CNIH3: variants seen among roughly 807,000 people sequenced by gnomAD.
CNIH3 encodes protein cornichon homolog 3.
A neutral mutation model predicts 24.1 loss-of-function variants in CNIH3; 14 were observed. That is an observed-to-expected ratio of 0.58 (90% CI 0.38 to 0.91). The LOEUF (loss-of-function observed/expected upper bound fraction) is 0.91. Among genes scored for constraint, CNIH3 ranks in the 40% least tolerant of loss-of-function variants. CNIH3 has a pLI of 0.00. For synonymous variants in CNIH3, 68 were observed against 73.8 expected (o/e 0.92, Z 0.40); for missense variants, 178 against 196.8 (o/e 0.90, Z 0.57).
At chr1:224,729,647 A>G (rs1230432516) in intron 3 of CNIH3, among the ~76,000 whole-genome samples, 1 of 151,930 alleles carries the variant, frequency 6.6e-6, no homozygotes, top group Admixed American at 6.6e-5. Flanking sequence ...CTAGGTGCCA[A>G]ATTTCTTCCT....
chr1:224,733,010 C>T (rs1464361200), intron 4 of CNIH3, among the ~76,000 whole-genome samples: 1 of 152,026 alleles, frequency 6.6e-6, no homozygotes, highest in Non-Finnish European at 1.5e-5. Flanking sequence ...CACCCTTTAT[C>T]CCCCTTTTTA....
At chr1:224,485,524 A>G (rs905579777) in intron 1 of CNIH3, among the ~76,000 whole-genome samples, 2 of 151,514 alleles carry the variant, frequency 1.3e-5, no homozygotes, top group African/African-American at 4.9e-5. Flanking sequence ...ACAGGGTCTG[A>G]TTCTGTCACC....
chr1:224,537,958 T>A (rs1679354050), downstream of CNIH3, among the ~76,000 whole-genome samples: 1 of 144,478 alleles, frequency 6.9e-6, no homozygotes, highest in African/African-American at 2.7e-5. Context: ...ATTATTATTA[T>A]TTTTTTTTTT....
chr1:224,461,913 G>A (rs1675926554), intron 1 of CNIH3, among the ~76,000 whole-genome samples: 1 of 152,022 alleles, frequency 6.6e-6, no homozygotes, highest in Non-Finnish European at 1.5e-5. Flanking sequence ...AGTTTTTTGT[G>A]ACTGGCTTCT....
rs1689764934 is a variant in CNIH3 at position 224,739,442 on chromosome 1, A to C, written c.*86A>C. ...ATTTCTGCTGGTGACTGGAGGAGGGACCAGAATGAGGATACGTGAGAAATA... is the reference window on the plus strand; with the variant it reads ...ATTTCTGCTGGTGACTGGAGGAGGGCCCAGAATGAGGATACGTGAGAAATA... On this transcript the variant is annotated 3_prime_UTR_variant, in exon 6 of 6. Coordinates refer to ENST00000272133, the MANE Select transcript of CNIH3 (RefSeq NM_152495.2). 2 of 1,576,638 alleles carry C rather than the reference A, an allele frequency of 1.3e-6. No homozygotes were observed. The highest frequency in any genetic ancestry group is 1.2e-5 in the South Asian group (1 of 84,440).
At chr1:224,732,553 C>T (rs951936515) in intron 4 of CNIH3, among the ~76,000 whole-genome samples, 35 of 152,212 alleles carry the variant, frequency 2.3e-4, no homozygotes, top group Admixed American at 1.3e-4. Flanking sequence ...TTGCTCAGCT[C>T]GGACGTGGCA....
chr1:224,582,028 A>C (rs910470398), intron 4 of CNIH3, among the ~76,000 whole-genome samples: 1 of 152,214 alleles, frequency 6.6e-6, no homozygotes, highest in African/African-American at 2.4e-5. Flanking sequence ...TGCACAAAAT[A>C]GGGAAAGAAT....
intron 3 of CNIH3, among the ~76,000 whole-genome samples, chr1:224,707,993 T>C (rs1687916117): frequency 6.6e-6 from 1 of 152,200 alleles, no homozygotes; most frequent in Admixed American, 6.5e-5. Context: ...AGGGTCCTCC[T>C]GCCATGCAAC....
chr1:224,503,915 G>A (rs1201818043), intron 1 of CNIH3, among the ~76,000 whole-genome samples: 1 of 152,258 alleles, frequency 6.6e-6, no homozygotes, highest in Non-Finnish European at 1.5e-5. Flanking sequence ...GGGGTGCCGG[G>A]ACAGAGACGC....
At chr1:224,546,356 T>A (rs1459535305) in intron 2 of CNIH3, among the ~76,000 whole-genome samples, 5 of 152,202 alleles carry the variant, frequency 3.3e-5, no homozygotes, top group African/African-American at 1.2e-4. Context: ...CACAGTAAGA[T>A]GCTGCACTTC....
intron 5 of CNIH3, among the ~76,000 whole-genome samples, chr1:224,584,686 T>A (rs1411093252): frequency 6.6e-6 from 1 of 152,154 alleles, no homozygotes; most frequent in Non-Finnish European, 1.5e-5. Flanking sequence ...CATTTTGATT[T>A]GCATTGACCA....
chr1:224,676,064 A>G (rs183216722), intron 1 of CNIH3, among the ~76,000 whole-genome samples: 1 of 151,826 alleles, frequency 6.6e-6, no homozygotes, highest in Admixed American at 6.5e-5. Flanking sequence ...AGCTTTATTC[A>G]TAATTGTCAA....
At chr1:224,610,291 T>C (rs1405311041) in intron 3 of CNIH3, among the ~76,000 whole-genome samples, 6 of 152,264 alleles carry the variant, frequency 3.9e-5, no homozygotes, top group Non-Finnish European at 7.3e-5. Context: ...TGATATGGTT[T>C]GGTTCTGTGT....
chr1:224,564,807 C>T (rs1680514830), intron 3 of CNIH3, among the ~76,000 whole-genome samples: 1 of 152,224 alleles, frequency 6.6e-6, no homozygotes, highest in Non-Finnish European at 1.5e-5. Context: ...ATGGCTTTGT[C>T]TGCCAGAAAG....
intron 1 of CNIH3, chr1:224,435,846 T>C (rs1200707399): frequency 1.3e-5 from 2 of 152,224 alleles, no homozygotes; most frequent in Admixed American, 1.3e-4. Flanking sequence ...TCAATATGTA[T>C]AAAGATTTTC....
chr1:224,632,053 C>T (rs962950948), intron 1 of CNIH3, among the ~76,000 whole-genome samples: 5 of 152,244 alleles, frequency 3.3e-5, no homozygotes, highest in Admixed American at 2.0e-4. Flanking sequence ...AGTAGATCCC[C>T]GGCATGCAAA....
At position 224,581,889 on chromosome 1, in the gene CNIH3, T is replaced by C. The variant is rs545228298; in HGVS notation, n.517-1275T>C. 2.6e-3 allele frequency among the ~76,000 whole-genome samples: 400 copies of C among 152,312 alleles called. 1 individual carries two copies. The highest frequency in any genetic ancestry group is 3.8e-3 in the Non-Finnish European group (259 of 68,034). ...AATTACAGGGGGATAAGGAGGACTG[T>C]GGGAAGCCTGGAGAGCAGGTAGCTG... On this transcript the variant is annotated intron_variant and non_coding_transcript_variant, in intron 4 of 5. Transcript: ENST00000471578.
chr1:224,622,590 T>A (rs986315825), intron 1 of CNIH3, among the ~76,000 whole-genome samples: 1 of 152,174 alleles, frequency 6.6e-6, no homozygotes, highest in Non-Finnish European at 1.5e-5. Flanking sequence ...CCTAAAACAA[T>A]CAGGAACCAG....
chr1:224,446,039 A>G (rs960631588), intron 1 of CNIH3, among the ~76,000 whole-genome samples: 16 of 152,134 alleles, frequency 1.1e-4, no homozygotes, highest in African/African-American at 3.9e-4. Context: ...GTGTTGTTAT[A>G]AATTAGAGCA....
Sources: allele counts gnomAD v4.1 joint callset (sites outside exome capture counted in the v4.1 genomes callset), GRCh38; gene constraint gnomAD v4.1.1; transcripts MANE v1.5; gene names NCBI Gene and HGNC (gene_info 2026-07-23, HGNC 2026-07-21).